Variants in PHACTR1 observed in about 807,000 individuals in gnomAD.
The protein encoded by PHACTR1 is phosphatase and actin regulator 1, also known as RPEL repeat containing 1.
PHACTR1 carries 16 observed loss-of-function variants against 69.2 expected under a neutral mutation model. That is an observed-to-expected ratio of 0.23 (90% CI 0.16 to 0.35). PHACTR1 has a LOEUF of 0.35. Ranked by LOEUF, PHACTR1 falls within the 10% of genes least tolerant of loss-of-function variation. PHACTR1 has a pLI of 1.00. For missense variants in PHACTR1, 510 were observed against 734.7 expected (o/e 0.69, Z 3.54); for synonymous variants, 312 against 284.5 (o/e 1.10, Z -0.97).
chr6:13,224,273 T>C (rs1323992601), intron 8 of PHACTR1, among the ~76,000 whole-genome samples: 1 of 152,168 alleles, frequency 6.6e-6, no homozygotes, highest in Non-Finnish European at 1.5e-5. Flanking sequence ...CCTTGAGGAC[T>C]CTCTCCCATA....
At chr6:12,894,754 G>A (rs558168676) in intron 4 of PHACTR1, among the ~76,000 whole-genome samples, 1 of 152,182 alleles carries the variant, frequency 6.6e-6, no homozygotes, top group East Asian at 1.9e-4. Context: ...AAATGGAATC[G>A]AATGTCTATT....
Position 13,208,907 on chromosome 6 carries a change from A to T in PHACTR1, c.986+2771A>T, listed in dbSNP as rs115675953. ...TGGTGGGGGCAGGGTATGCAGCATG[A>T]TCTCGGCAGCAGAGCCAAGGCAGTC... On this transcript the variant is annotated intron_variant, in intron 8 of 14. Coordinates refer to ENST00000332995, the MANE Select transcript of PHACTR1 (RefSeq NM_030948.6). Among the ~76,000 whole-genome samples the T allele has an allele frequency of 9.4e-3, 1,434 of 152,228 alleles. 28 individuals are homozygous for T. The highest frequency in any genetic ancestry group is 0.032 in the African/African-American group (1,342 of 41,544).
chr6:12,934,107 C>G (rs1371021757), intron 4 of PHACTR1: 2 of 906,514 alleles, frequency 2.2e-6, no homozygotes, highest in Non-Finnish European at 3.1e-6. Context: ...CTTCTTGTGT[C>G]TTCCAGCTTC....
intron 4 of PHACTR1, among the ~76,000 whole-genome samples, chr6:12,791,253 A>G (rs555117443): frequency 5.9e-5 from 9 of 152,314 alleles, no homozygotes; most frequent in African/African-American, 1.9e-4. Context: ...TGTTTTTTGA[A>G]TGAGGATATT....
At position 13,069,594 on chromosome 6, in the gene PHACTR1, C is replaced by G. The variant is rs562826302; in HGVS notation, c.415+16065C>G. 2.0e-5 allele frequency among the ~76,000 whole-genome samples: 3 copies of G among 152,186 alleles called. No homozygotes were observed. In the South Asian group the frequency reaches 6.2e-4, roughly 32 times the overall value. On this transcript the variant is annotated intron_variant, in intron 5 of 14. Transcript: ENST00000332995. ...CCTCGGCTCTGGTTTTCTTTCCATT[C>G]TTTCCCTCTCCTTTTCTTCTTGGAA...
chr6:13,228,369 C>CA (rs1190266878), intron 9 of PHACTR1, among the ~76,000 whole-genome samples: 1 of 151,878 alleles, frequency 6.6e-6, no homozygotes, highest in African/African-American at 2.4e-5. Flanking sequence ...CTCCCCCACC[C>CA]AAAAAAAACT....
rs1186858300 is a variant in PHACTR1, at chr6:13,246,475, G to A, written c.1391+16282G>A. Among the ~76,000 whole-genome samples the A allele has an allele frequency of 6.6e-6, 1 of 152,184 alleles. No homozygotes were observed. Among genetic ancestry groups the A allele is most frequent in the Non-Finnish European group, 1.5e-5 (1 of 68,026 alleles). On this transcript the variant is annotated intron_variant, in intron 10 of 14. Transcript: ENST00000332995. This position sits in a 1 kb window ranked among gnomAD's most constrained non-coding sequence, Gnocchi z 4.2. ...ATTAATCATTTTGAAAACTAGGCAG[G>A]TACTCTGGAAAATTCTTTTGCTGGT... is the stretch of plus-strand genomic sequence containing the variant.
chr6:13,100,684 G>C (rs1037392140), intron 5 of PHACTR1, among the ~76,000 whole-genome samples: 2 of 152,140 alleles, frequency 1.3e-5, no homozygotes, highest in African/African-American at 4.8e-5. Flanking sequence ...ATTAACTTTA[G>C]GAAATCCTCT....
chr6:13,089,569 C>T (rs113613012), intron 5 of PHACTR1, among the ~76,000 whole-genome samples: 1,768 of 152,216 alleles, frequency 0.012, 29 homozygotes, highest in African/African-American at 0.04. Flanking sequence ...TTAGAAATTG[C>T]CTCATCCAAA....
chr6:13,272,612 G>A (rs1048567606), intron 10 of PHACTR1: 3 of 1,190,126 alleles, frequency 2.5e-6, no homozygotes, highest in East Asian at 5.4e-5. Context: ...GAGGAGATGG[G>A]GCTGGGGAGG....
At chr6:12,940,337 T>C (rs1405246672) in intron 4 of PHACTR1, among the ~76,000 whole-genome samples, 3 of 152,224 alleles carry the variant, frequency 2.0e-5, no homozygotes, top group African/African-American at 7.2e-5. Context: ...ATGAATTTCA[T>C]ATATATAACA....
chr6:12,968,003 CG>C (rs1173601062), intron 4 of PHACTR1, among the ~76,000 whole-genome samples: 3 of 152,194 alleles, frequency 2.0e-5, no homozygotes, highest in Non-Finnish European at 4.4e-5. Flanking sequence ...CCCTGGATAC[CG>C]AGATTTCCAA....
In PHACTR1 at chr6:13,034,166, C is replaced by T. The variant is rs6899359; in HGVS notation, c.251-19199C>T. On this transcript the variant is annotated intron_variant, in intron 4 of 14. Transcript: ENST00000332995. ...CCGAGTAGCTGGGACTACAGGCGCC[C>T]GCCACCACGCCTGGCTAATTTTTTG... Among the ~76,000 whole-genome samples the T allele has an allele frequency of 1.8e-3, 278 of 152,090 alleles. 1 individual carries two copies. Among genetic ancestry groups the T allele is most frequent in the African/African-American group, 6.5e-3 (268 of 41,506 alleles).
At position 13,287,314 on chromosome 6, in the gene PHACTR1, C is replaced by G; in HGVS notation, c.*236C>G. The G allele has an allele frequency of 1.8e-6, 1 of 555,916 alleles. No homozygotes were observed. The highest frequency in any genetic ancestry group is 3.1e-5 in the East Asian group (1 of 31,952). The allele number at this position is 555,916 out of a possible 1,614,324, so 34.4% of individuals were successfully genotyped here. Reference sequence around the variant, plus strand: ...TCTGACACCAAAATGCATCCCAACCCCCGGCAGTGCCAAGGGCACCAGCAG... The same window carrying G: ...TCTGACACCAAAATGCATCCCAACCGCCGGCAGTGCCAAGGGCACCAGCAG... On this transcript the variant is annotated 3_prime_UTR_variant, in exon 15 of 15. Coordinates refer to ENST00000332995, the MANE Select transcript of PHACTR1 (RefSeq NM_030948.6).
chr6:12,733,689 C>T (rs1049111017), intron 3 of PHACTR1, among the ~76,000 whole-genome samples: 19 of 152,154 alleles, frequency 1.2e-4, no homozygotes, highest in Middle Eastern at 3.2e-3. Flanking sequence ...GCAGCCTTTG[C>T]CTCTGAAGTT....
rs1776795426 is a variant in PHACTR1 at position 12,826,306 on chromosome 6, G to C, written c.250+76516G>C. Among the ~76,000 whole-genome samples the C allele has an allele frequency of 2.0e-5, 3 of 152,160 alleles. No individual in the cohort carries two copies. The South Asian group carries it at 6.2e-4, about 32-fold the overall frequency. The stretch of plus-strand genomic sequence containing the variant: ...CCCTACACAAAAAAGTAAAAATAAA[G>C]TATTGGGCAAAGTAGAGCCAGGGAG... On this transcript the variant is annotated intron_variant, in intron 4 of 14. Coordinates refer to ENST00000332995, the MANE Select transcript of PHACTR1 (RefSeq NM_030948.6).
chr6:13,090,469 G>A (rs1418772957), intron 5 of PHACTR1, among the ~76,000 whole-genome samples: 1 of 151,964 alleles, frequency 6.6e-6, no homozygotes, highest in African/African-American at 2.4e-5. Context: ...GGGACTATAG[G>A]TGCCCGCCAC....
At chr6:12,856,184 C>A (rs973195140) in intron 4 of PHACTR1, among the ~76,000 whole-genome samples, 1 of 152,044 alleles carries the variant, frequency 6.6e-6, no homozygotes, top group Non-Finnish European at 1.5e-5. Flanking sequence ...CATTAAGTCA[C>A]TGTCTACTTA....
chr6:13,270,891 G>A (rs2127444023), intron 10 of PHACTR1, among the ~76,000 whole-genome samples: 1 of 152,300 alleles, frequency 6.6e-6, no homozygotes, highest in African/African-American at 2.4e-5. Flanking sequence ...GACTTCTAGG[G>A]AGGCCTCAGG....
Sources: gnomAD v4.1 joint callset for allele counts (sites outside exome capture counted in the v4.1 genomes callset) on GRCh38, gnomAD v4.1.1 for gene constraint, Gnocchi (gnomAD v3.1) non-coding constraint, MANE v1.5 for transcripts, NCBI Gene and HGNC (gene_info 2026-07-23, HGNC 2026-07-21) for gene names.